TELO2: variants seen among roughly 807,000 people sequenced by gnomAD.
TELO2 encodes telomere maintenance 2, also known as telomere length regulation protein TEL2 homolog.
Under a neutral mutation model 91.0 loss-of-function variants are expected in TELO2, and 71 were observed. That is an observed-to-expected ratio of 0.78 (90% CI 0.64 to 0.95). The LOEUF (loss-of-function observed/expected upper bound fraction) is 0.95. Among genes scored for constraint, TELO2 ranks in the 40% least tolerant of loss-of-function variants. The pLI is 0.00. For synonymous variants in TELO2, 584 were observed against 518.9 expected (o/e 1.13, Z -1.71); for missense variants, 1,183 against 1,141.3 (o/e 1.04, Z -0.53).
In TELO2 at chr16:1,502,911, C is replaced by A. The variant is rs763688912; in HGVS notation, c.1771-20C>A. On this transcript the variant is annotated intron_variant, in intron 14 of 20. Coordinates refer to ENST00000262319, the MANE Select transcript of TELO2 (RefSeq NM_016111.4). ...GCCCTCAGGTCCCGGACCACAGCAG[C>A]CTCTCCCCTGTGTCCTCAGGTGGCC... The A allele has an allele frequency of 3.1e-6, 5 of 1,609,660 alleles. No homozygotes were observed. The African/African-American group carries it at 4.0e-5, about 13-fold the overall frequency.
chr16:1,501,336 A>C, intron 9 of TELO2, 84 bp from the exon 10 acceptor site: 1 of 1,447,718 alleles, frequency 6.9e-7, no homozygotes, highest in Admixed American at 2.0e-5. Context: ...GGGAGGCCAC[A>C]GTGGGGAGTG....
At position 1,501,684 on chromosome 16, in the gene TELO2, G is replaced by A. The variant is rs779082782; in HGVS notation, c.1383G>A (p.Thr461=). 47 of 1,610,160 alleles carry A rather than the reference G, an allele frequency of 2.9e-5. No individual in the cohort carries two copies. Among genetic ancestry groups the A allele is most frequent in the Admixed American group, 1.2e-4 (7 of 59,194 alleles). Residue 461 remains threonine, a synonymous_variant, in exon 11 of 21, where the codon ACG becomes ACA. Transcript: ENST00000262319. ...SEAGTSLVPA[T]AEPPAETPAE... is the part of the protein sequence containing the mutation. ...AAAGCACGTCCCTCGTTCCAGCCACGGCAGAGCCCCCTGCAGAGACCCCCG... is the reference window on the plus strand; with the variant it reads ...AAAGCACGTCCCTCGTTCCAGCCACAGCAGAGCCCCCTGCAGAGACCCCCG...
chr16:1,493,610 G>T lies in TELO2; in HGVS notation c.-37+5G>T, dbSNP rs1214709833. 6.6e-6 allele frequency: 1 copy of T among 152,414 alleles called. No homozygotes were observed. The highest frequency in any genetic ancestry group is 2.4e-5 in the African/African-American group (1 of 41,456). The allele number at this position is 152,414 out of a possible 1,614,324, so 9.4% of individuals were successfully genotyped here. Reference sequence around the variant, plus strand: ...TCACCCGGGAGCCGGGTCCAGGTCGGGTTGGGGGTCGGGGATCGGGGATCG... The same window carrying T: ...TCACCCGGGAGCCGGGTCCAGGTCGTGTTGGGGGTCGGGGATCGGGGATCG... On this transcript the variant is annotated splice_donor_5th_base_variant and intron_variant, in intron 1 of 20. Transcript: ENST00000262319. This position sits in a 1 kb window ranked among gnomAD's most constrained non-coding sequence, Gnocchi z 4.3.
At position 1,509,895 on chromosome 16, in the gene TELO2, CAG is replaced by C. The variant is rs771100850; in HGVS notation, c.2477_2478del (p.Arg826ThrfsTer30). On this transcript the variant is annotated frameshift_variant, in exon 21 of 21. Coordinates refer to ENST00000262319, the MANE Select transcript of TELO2 (RefSeq NM_016111.4). LOFTEE classifies it low-confidence loss of function (END_TRUNC). Reference protein sequence around the residue: ...TLALRALLLLQRLKNRLLPPA... With the variant: ...TLALRALLLLXRLKNRLLPPA... ...GGCACTGAGGGCCCTGCTGCTTCTG[CAG>C]AGACTCAAGAACAGGCTCCTCCCAC... is the stretch of plus-strand genomic sequence containing the variant. 2 of 1,611,286 alleles carry C rather than the reference CAG, an allele frequency of 1.2e-6. No individual in the cohort carries two copies. Among genetic ancestry groups the C allele is most frequent in the South Asian group, 1.1e-5 (1 of 90,566 alleles).
At chr16:1,500,271 C>G in intron 7 of TELO2, 76 bp from the exon 8 acceptor site, 1 of 1,533,032 alleles carries the variant, frequency 6.5e-7, no homozygotes, top group South Asian at 1.2e-5. Context: ...GGCGGAGCTC[C>G]CTCAGAGTGG....
intron 15 of TELO2, among the ~76,000 whole-genome samples, chr16:1,503,207 A>G (rs991285563): frequency 6.6e-6 from 1 of 152,248 alleles, no homozygotes; most frequent in Admixed American, 6.5e-5. Context: ...TTAAAATAAC[A>G]GCTTTACTGA....
At chr16:1,499,538 G>A (rs2039602222) in intron 6 of TELO2, among the ~76,000 whole-genome samples, 2 of 145,092 alleles carry the variant, frequency 1.4e-5, no homozygotes, top group African/African-American at 5.0e-5. Context: ...GGCTTCTCAT[G>A]TGTCAATCTT....
At position 1,494,766 on chromosome 16, in the gene TELO2, C is replaced by A; in HGVS notation, c.335+150C>A. 1 of 892,726 alleles carries A rather than the reference C, an allele frequency of 1.1e-6. No individual in the cohort carries two copies. The highest frequency in any genetic ancestry group is 1.7e-6 in the Non-Finnish European group (1 of 603,766). 55.3% of individuals were successfully genotyped at this position (892,726 alleles called of 1,614,324 possible). A position where few individuals can be genotyped will look rare whatever the true frequency, so the allele number is the denominator to read the frequency against. On this transcript the variant is annotated intron_variant, in intron 2 of 20. Coordinates refer to ENST00000262319, the MANE Select transcript of TELO2 (RefSeq NM_016111.4). This position sits in a 1 kb window ranked among gnomAD's most constrained non-coding sequence, Gnocchi z 5.6. Reference sequence around the variant, plus strand: ...TGAACCCCTGAACAGAAGAAGCGGTCTGTGTCTGTCTCCTTTGCGACGGGA... The same window carrying A: ...TGAACCCCTGAACAGAAGAAGCGGTATGTGTCTGTCTCCTTTGCGACGGGA...
intron 5 of TELO2, among the ~76,000 whole-genome samples, chr16:1,498,619 T>G (rs2039573795): frequency 6.6e-6 from 1 of 152,154 alleles, no homozygotes. Flanking sequence ...AAATTTTTTG[T>G]AGCGACGGGG....
Position 1,494,141 on chromosome 16 carries a change from A to T in TELO2, c.-36-105A>T. On this transcript the variant is annotated intron_variant, in intron 1 of 20. Transcript: ENST00000262319. This position sits in a 1 kb window ranked among gnomAD's most constrained non-coding sequence, Gnocchi z 5.6. ...AGGAGGCGGGACAGGGTTGGGTGGG[A>T]CCAGGGTTGAGGGGTGTGGGGTCTC... 1 of 730,708 alleles carries T rather than the reference A, an allele frequency of 1.4e-6. No individual in the cohort carries two copies. Among genetic ancestry groups the T allele is most frequent in the Non-Finnish European group, 2.2e-6 (1 of 448,998 alleles). The allele number at this position is 730,708 out of a possible 1,614,324, so 45.3% of individuals were successfully genotyped here.
rs1219717577 is a variant in TELO2 at position 1,504,549 on chromosome 16, G to T, written c.1843-861G>T. ...ACATGAGAACAACTCACCGTAACTG[G>T]TCTTTTTTTTTTTTTTTTTTTTTTT... On this transcript the variant is annotated intron_variant, in intron 15 of 20. Transcript: ENST00000262319. Among the ~76,000 whole-genome samples the T allele has an allele frequency of 1.6e-3, 219 of 140,250 alleles. 2 individuals are homozygous for T. The highest frequency in any genetic ancestry group is 5.6e-3 in the African/African-American group (207 of 36,786). The allele number at this position is 140,250 out of a possible 152,430, so 92.0% of individuals were successfully genotyped here. A position where few individuals can be genotyped will look rare whatever the true frequency, so the allele number is the denominator to read the frequency against.
At chr16:1,507,908 C>T (rs1051685171) in intron 20 of TELO2, among the ~76,000 whole-genome samples, 192 bp downstream of exon 20, 3 of 122,032 alleles carry the variant, frequency 2.5e-5, no homozygotes, top group East Asian at 2.4e-4. Context: ...TGTGTCGGCC[C>T]GGGGTGTGTG....
At position 1,505,493 on chromosome 16, in the gene TELO2, C is replaced by A. The variant is rs766166687; in HGVS notation, c.1926C>A (p.Thr642=). Reference sequence around the variant, plus strand: ...AACCTGGCTCCCCAAGTCCCAACACCCCGTGCCTGCCAGAGGCAGCCGTCT... The same window carrying A: ...AACCTGGCTCCCCAAGTCCCAACACACCGTGCCTGCCAGAGGCAGCCGTCT... ...TPQPGSPSPN[T]PCLPEAAVSQ... Residue 642 remains threonine (T), a synonymous_variant, in exon 16 of 21, where the codon ACC becomes ACA. Coordinates refer to ENST00000262319, the MANE Select transcript of TELO2 (RefSeq NM_016111.4). This position sits in a 1 kb window ranked among gnomAD's most constrained non-coding sequence, Gnocchi z 4.3. 6.2e-6 allele frequency: 10 copies of A among 1,613,132 alleles called. No individual in the cohort carries two copies. Among genetic ancestry groups the A allele is most frequent in the Admixed American group, 1.7e-5 (1 of 60,034 alleles).
intron 3 of TELO2, among the ~76,000 whole-genome samples, chr16:1,496,410 A>T (rs59012244): frequency 0.11 from 17,367 of 152,204 alleles, 1,620 homozygotes; most frequent in African/African-American, 0.23. Context: ...TCTTTTCCGA[A>T]CGTAGCCCTA....
chr16:1,502,837 G>A (rs1038099019), intron 14 of TELO2, 76 bp downstream of exon 14: 19 of 1,601,918 alleles, frequency 1.2e-5, no homozygotes, highest in African/African-American at 2.7e-5. Flanking sequence ...CCTGAGTCTC[G>A]GTCCTGTGCT....
At chr16:1,507,115 C>A in intron 18 of TELO2, 64 bp downstream of exon 18, 1 of 1,529,894 alleles carries the variant, frequency 6.5e-7, no homozygotes, top group Non-Finnish European at 8.8e-7. Flanking sequence ...CGCTCCTCAG[C>A]CTCACCTGCG....
intron 6 of TELO2, 97 bp downstream of exon 6, chr16:1,499,430 A>C (rs1596256387): frequency 1.5e-6 from 2 of 1,375,004 alleles, no homozygotes. Flanking sequence ...TGCCTGGGAG[A>C]CCCTGCCTGT....
In TELO2 at chr16:1,494,615, G is replaced by T; in HGVS notation, c.334G>T (p.Gly112Cys). The change falls in exon 2 of 21, where the codon GGC (glycine) becomes TGC (cysteine). Residue 112 changes from glycine to cysteine, a missense_variant and splice_region_variant. By Grantham distance (159) the Gly-to-Cys change is radical. Transcript: ENST00000262319. This position sits in a 1 kb window ranked among gnomAD's most constrained non-coding sequence, Gnocchi z 5.6. ...GATGGAGACCATCGAGGGTGCTGCG[G>T]GGTGAGTGGGCTGGGCCCATCCTGG... ...VLMETIEGAA[G>C]PSFRLMKMAR... 1 of 1,610,928 alleles carries T rather than the reference G, an allele frequency of 6.2e-7. No homozygotes were observed.
rs1225186186 is a variant in TELO2 at position 1,502,352 on chromosome 16, C to T, written c.1601C>T (p.Ala534Val). Residue 534 changes from alanine to valine, a missense_variant, in exon 13 of 21, where the codon GCC (alanine) becomes GTC (valine). Ala to Val is a moderately conservative substitution (Grantham distance 64, BLOSUM62 0). Coordinates refer to ENST00000262319, the MANE Select transcript of TELO2 (RefSeq NM_016111.4). ...TSEDIERWEA[A>V]LRALEGLVYR... ...GAGGACATAGAGCGCTGGGAGGCAG[C>T]CCTGCGGGCCCTTGAGGGCCTGGTC... 3 of 1,606,668 alleles carry T rather than the reference C, an allele frequency of 1.9e-6. No individual in the cohort carries two copies. Among genetic ancestry groups the T allele is most frequent in the Non-Finnish European group, 1.7e-6 (2 of 1,178,280 alleles).
Sources: gnomAD v4.1 joint callset for allele counts (sites outside exome capture counted in the v4.1 genomes callset) on GRCh38, gnomAD v4.1.1 for gene constraint, Gnocchi (gnomAD v3.1) non-coding constraint, MANE v1.5 for transcripts, NCBI Gene and HGNC (gene_info 2026-07-23, HGNC 2026-07-21) for gene names.